Variants in MAP6 observed in about 807,000 individuals in gnomAD.
The protein encoded by MAP6 is microtubule associated protein 6.
In MAP6, 26 loss-of-function variants were observed where a neutral mutation model predicts 42.4. The observed-to-expected ratio is 0.61, with a 90% CI of 0.45 to 0.85. The LOEUF (loss-of-function observed/expected upper bound fraction) is 0.85. Among genes scored for constraint, MAP6 ranks in the 40% least tolerant of loss-of-function variants. The pLI is 0.00. For missense variants in MAP6, 966 were observed against 1,099.0 expected, an observed-to-expected ratio of 0.88 and a Z score of 1.71; for synonymous variants, 418 against 443.8, an observed-to-expected ratio of 0.94 and a Z score of 0.73.
At chr11:75,628,021 A>G (rs534095570) in intron 1 of MAP6, among the ~76,000 whole-genome samples, 1 of 152,308 alleles carries the variant, frequency 6.6e-6, no homozygotes, top group Admixed American at 6.5e-5. Flanking sequence ...GAGAGGCTCA[A>G]GGACACCCGG....
chr11:75,643,896 A>G (rs757084353), intron 1 of MAP6, among the ~76,000 whole-genome samples: 5 of 152,228 alleles, frequency 3.3e-5, no homozygotes, highest in Admixed American at 2.0e-4. Flanking sequence ...CTAGCCCTCA[A>G]TGAGTGAATG....
chr11:75,599,136 T>C (rs555606882), intron 3 of MAP6: 1 of 152,278 alleles, frequency 6.6e-6, no homozygotes, highest in African/African-American at 2.4e-5. Context: ...TCTAGCAGCT[T>C]AAACCAGTAG....
chr11:75,638,294 A>G (rs1416346258), intron 1 of MAP6, among the ~76,000 whole-genome samples: 1 of 152,232 alleles, frequency 6.6e-6, no homozygotes, highest in Non-Finnish European at 1.5e-5. Context: ...CAATGGATGA[A>G]TCTGAGAAAC....
intron 1 of MAP6, among the ~76,000 whole-genome samples, chr11:75,656,669 C>T (rs1416833935): frequency 6.6e-6 from 1 of 152,160 alleles, no homozygotes; most frequent in Non-Finnish European, 1.5e-5. Flanking sequence ...CTCTTCCCTA[C>T]CCACCCTAAT....
intron 1 of MAP6, among the ~76,000 whole-genome samples, chr11:75,618,107 CTTTTTTTTT>C (rs111520372): frequency 9.2e-6 from 1 of 108,924 alleles, no homozygotes; most frequent in Non-Finnish European, 2.0e-5. Flanking sequence ...TAAGTTTCTG[CTTTTTTTTT>C]TTTTTTTTTT....
intron 1 of MAP6, among the ~76,000 whole-genome samples, chr11:75,614,524 C>G (rs180848873): frequency 3.1e-4 from 47 of 152,294 alleles, no homozygotes; most frequent in Admixed American, 2.7e-3. Context: ...GCTGCCATGT[C>G]ATAAGGACAT....
intron 3 of MAP6, chr11:75,604,930 G>T: frequency 1.0e-6 from 1 of 985,388 alleles, no homozygotes; most frequent in Non-Finnish European, 1.2e-6. Context: ...CTCAGAAATG[G>T]AAAGTCAAAT....
chr11:75,644,498 T>C (rs1423320532), intron 1 of MAP6, among the ~76,000 whole-genome samples: 5 of 152,166 alleles, frequency 3.3e-5, no homozygotes, highest in African/African-American at 7.2e-5. Context: ...CTAAAAATAA[T>C]TTTTCATGGT....
intron 1 of MAP6, among the ~76,000 whole-genome samples, chr11:75,640,695 A>G (rs1458384007): frequency 6.6e-6 from 1 of 152,262 alleles, no homozygotes; most frequent in African/African-American, 2.4e-5. Flanking sequence ...ACGCTTCTCA[A>G]AAGAAGACAT....
chr11:75,621,425 C>T (rs1943109752), intron 1 of MAP6, among the ~76,000 whole-genome samples: 2 of 152,188 alleles, frequency 1.3e-5, no homozygotes, highest in Admixed American at 1.3e-4. Context: ...AAACATAATA[C>T]TCAATGGTAA....
At chr11:75,639,519 A>C (rs1943427246) in intron 1 of MAP6, among the ~76,000 whole-genome samples, 1 of 152,204 alleles carries the variant, frequency 6.6e-6, no homozygotes, top group Non-Finnish European at 1.5e-5. Context: ...CCAACTTGTC[A>C]TTTTGGCCTC....
chr11:75,635,832 T>C (rs1943359041), intron 1 of MAP6: 1 of 152,246 alleles, frequency 6.6e-6, no homozygotes, highest in South Asian at 2.1e-4. Flanking sequence ...GCTCAGAGGA[T>C]GCTACGCCCG....
rs1344289145 is a variant in MAP6 at position 75,587,619 on chromosome 11, C to G, written c.1882G>C (p.Glu628Gln). The change falls in exon 4 of 4, where the codon GAA becomes CAA. Residue 628 changes from glutamate to glutamine, a missense_variant. Glu to Gln is a conservative substitution (Grantham distance 29). Coordinates refer to ENST00000304771, the MANE Select transcript of MAP6 (RefSeq NM_033063.2). ...GPIVPAPVKD[E>Q]GPMVSAPIKD... ...ATAGGTGCTGAGACCATGGGACCTT[C>G]ATCCTTGACAGGTGCTGGGACTATG... 1.2e-6 allele frequency: 2 copies of G among 1,613,786 alleles called. No homozygotes were observed. The highest frequency in any genetic ancestry group is 1.7e-5 in the Admixed American group (1 of 59,984).
chr11:75,587,029 C>G lies in MAP6; in HGVS notation c.*30G>C. 6.5e-7 allele frequency: 1 copy of G among 1,531,204 alleles called. No homozygotes were observed. Among genetic ancestry groups the G allele is most frequent in the Non-Finnish European group, 8.8e-7 (1 of 1,140,504 alleles). The allele number at this position is 1,531,204 out of a possible 1,614,324, so 94.9% of individuals were successfully genotyped here. On this transcript the variant is annotated 3_prime_UTR_variant, in exon 4 of 4. Transcript: ENST00000304771. ...GGGAGGGGAGCACTCTCACTGTCAG[C>G]TCCTTCATTGGTGTGTCAAGGGGTG...
intron 3 of MAP6, among the ~76,000 whole-genome samples, chr11:75,593,600 A>G (rs890369205): frequency 1.3e-5 from 2 of 152,154 alleles, no homozygotes; most frequent in African/African-American, 4.8e-5. Context: ...CTGTTGCACC[A>G]TCAAAGCAGC....
chr11:75,621,195 G>T (rs1301033584), intron 1 of MAP6, among the ~76,000 whole-genome samples: 2 of 151,732 alleles, frequency 1.3e-5, no homozygotes, highest in African/African-American at 4.8e-5. Context: ...AAGAAATATT[G>T]CTGGGAGTGG....
At chr11:75,663,729 G>A (rs867319892) in intron 1 of MAP6, among the ~76,000 whole-genome samples, 10 of 152,244 alleles carry the variant, frequency 6.6e-5, no homozygotes, top group African/African-American at 2.4e-4. Context: ...AGGCATTGCT[G>A]GGATTGACCC....
At chr11:75,650,860 G>GTT (rs899898757) in intron 1 of MAP6, among the ~76,000 whole-genome samples, 1 of 152,138 alleles carries the variant, frequency 6.6e-6, no homozygotes, top group Non-Finnish European at 1.5e-5. Flanking sequence ...GAGTAGCTGT[G>GTT]ATTACTAATT....
intron 3 of MAP6, among the ~76,000 whole-genome samples, chr11:75,598,306 T>A (rs1188350077): frequency 2.6e-5 from 4 of 152,210 alleles, no homozygotes; most frequent in South Asian, 2.1e-4. Context: ...TTGGTTATAA[T>A]CCTTGCTTGG....
Sources: allele counts gnomAD v4.1 joint callset (sites outside exome capture counted in the v4.1 genomes callset), GRCh38; gene constraint gnomAD v4.1.1; transcripts MANE v1.5; gene names NCBI Gene and HGNC (gene_info 2026-07-23, HGNC 2026-07-21).